TBCB: variants seen among roughly 807,000 people sequenced by gnomAD.
The protein encoded by TBCB is tubulin-folding cofactor B.
A neutral mutation model predicts 29.2 loss-of-function variants in TBCB; 18 were observed. The ratio of observed to expected loss-of-function variants is 0.62; its 90% CI spans 0.43 to 0.91. TBCB has a LOEUF of 0.91. TBCB is among the 40% of genes least tolerant of loss of function. The pLI is 0.00. For missense variants in TBCB, 336 were observed against 337.6 expected (o/e 1.00, Z 0.04); for synonymous variants, 172 against 137.8 (o/e 1.25, Z -1.74).
chr19:36,115,010 G>A, upstream of TBCB: 1 of 709,596 alleles, frequency 1.4e-6, no homozygotes, highest in Non-Finnish European at 2.4e-6. Context: ...GGCTCTCTCC[G>A]CGCAGAGGTT....
At chr19:36,115,819 G>A in intron 1 of TBCB, 145 bp downstream of exon 1, 1 of 1,091,888 alleles carries the variant, frequency 9.2e-7, no homozygotes, top group Non-Finnish European at 1.3e-6. Flanking sequence ...CGGTCGCGGC[G>A]GGGCGGGTCC....
chr19:36,119,743 A>T (rs1484259989), intron 2 of TBCB, among the ~76,000 whole-genome samples: 2 of 151,946 alleles, frequency 1.3e-5, no homozygotes, highest in Admixed American at 1.3e-4. Flanking sequence ...AAATACAAAA[A>T]TTAGCCGGGT....
intron 3 of TBCB, 38 bp from the exon 4 acceptor site, chr19:36,121,489 C>T (rs774997425): frequency 1.3e-6 from 2 of 1,529,680 alleles, no homozygotes; most frequent in Non-Finnish European, 8.8e-7. Context: ...TTAGGCCCGG[C>T]CGACACCCCA....
rs551389690 is a variant in TBCB at position 36,121,226 on chromosome 19, CGGA to C, written c.356-295_356-293del. Among the ~76,000 whole-genome samples, 197 of 151,494 alleles carry C rather than the reference CGGA, an allele frequency of 1.3e-3. 1 individual carries two copies. Among genetic ancestry groups the C allele is most frequent in the African/African-American group, 4.7e-3 (193 of 41,226 alleles). Reference sequence around the variant, plus strand: ...TGGGGGAGACCGGGGGCCTCAGGGCCGGAGGAGGGCGGAGGAGGAAGGCGGATG... The same window carrying C: ...TGGGGGAGACCGGGGGCCTCAGGGCCGGAGGGCGGAGGAGGAAGGCGGATG... On this transcript the variant is annotated intron_variant, in intron 3 of 5. Coordinates refer to ENST00000221855, the MANE Select transcript of TBCB (RefSeq NM_001281.3).
At chr19:36,120,921 G>A (rs1436792086) in intron 3 of TBCB, 115 bp downstream of exon 3, 3 of 966,910 alleles carry the variant, frequency 3.1e-6, no homozygotes, top group South Asian at 3.0e-5. Flanking sequence ...TAGACGGGGG[G>A]CCGAGAGCTT....
intron 4 of TBCB, among the ~76,000 whole-genome samples, chr19:36,122,372 G>A (rs1488770646): frequency 6.6e-6 from 1 of 151,970 alleles, no homozygotes; most frequent in Non-Finnish European, 1.5e-5. Context: ...TTGAGCCCCG[G>A]AGTTGGAGGT....
intron 4 of TBCB, 157 bp downstream of exon 4, chr19:36,121,875 C>A: frequency 2.1e-6 from 2 of 936,912 alleles, no homozygotes; most frequent in Non-Finnish European, 3.2e-6. Context: ...ACGGAACCAT[C>A]TGCCGACACT....
At chr19:36,117,045 G>T (rs868266894) in intron 2 of TBCB, among the ~76,000 whole-genome samples, 1 of 152,174 alleles carries the variant, frequency 6.6e-6, no homozygotes, top group Non-Finnish European at 1.5e-5. Flanking sequence ...ATATGCCTGC[G>T]TGCCTCACCC....
rs1290891973 is a variant in TBCB, at chr19:36,116,166, T to A, written c.240T>A (p.Asp80Glu). 6.2e-7 allele frequency: 1 copy of A among 1,614,110 alleles called. No individual in the cohort carries two copies. Among genetic ancestry groups the A allele is most frequent in the African/African-American group, 1.3e-5 (1 of 75,032 alleles). The change falls in exon 2 of 6, where the codon GAT becomes GAA. Residue 80 changes from aspartate (D) to glutamate (E), a missense_variant. Transcript: ENST00000221855. Reference protein sequence around the residue: ...EDALLGSYPVDDGCRIHVIDH... With the variant: ...EDALLGSYPVEDGCRIHVIDH... Reference sequence around the variant, plus strand: ...CGCTCCTGGGCTCCTACCCTGTAGATGACGGCTGCCGCATCCACGTGAGGA... The same window carrying A: ...CGCTCCTGGGCTCCTACCCTGTAGAAGACGGCTGCCGCATCCACGTGAGGA...
chr19:36,119,909 A>C (rs1974015256), intron 2 of TBCB, among the ~76,000 whole-genome samples: 1 of 149,920 alleles, frequency 6.7e-6, no homozygotes, highest in Admixed American at 6.6e-5. Flanking sequence ...AAAAAAAAAA[A>C]CCCAAAGTCT....
intron 4 of TBCB, 25 bp downstream of exon 4, chr19:36,121,743 C>CGGGCTCCA: frequency 6.5e-7 from 1 of 1,548,096 alleles, no homozygotes; most frequent in Non-Finnish European, 8.7e-7. Context: ...GGCCCGGTCC[C>CGGGCTCCA]GGGCTCCAGG....
chr19:36,117,850 C>T (rs941791121), intron 2 of TBCB: 4 of 152,072 alleles, frequency 2.6e-5, no homozygotes, highest in Admixed American at 1.3e-4. Flanking sequence ...ACTGCAACCT[C>T]CGCCTCCCCG....
chr19:36,122,099 G>A, intron 4 of TBCB: 2 of 306,568 alleles, frequency 6.5e-6, no homozygotes, highest in Non-Finnish European at 1.2e-5. Context: ...GAGGCTGGGA[G>A]CATCTGAAGG....
chr19:36,116,175 C>T lies in TBCB; in HGVS notation c.249C>T (p.Cys83=), dbSNP rs778057732. Residue 83 remains cysteine, a synonymous_variant, in exon 2 of 6, where the codon TGC becomes TGT. Transcript: ENST00000221855. The part of the protein sequence containing the change: ...LLGSYPVDDG[C]RIHVIDHSGA... ...GCTCCTACCCTGTAGATGACGGCTGCCGCATCCACGTGAGGACTCTCTATC... is the reference window on the plus strand; with the variant it reads ...GCTCCTACCCTGTAGATGACGGCTGTCGCATCCACGTGAGGACTCTCTATC... 6.2e-7 allele frequency: 1 copy of T among 1,614,004 alleles called. No homozygotes were observed. The highest frequency in any genetic ancestry group is 1.1e-5 in the South Asian group (1 of 91,074).
intron 2 of TBCB, among the ~76,000 whole-genome samples, chr19:36,117,054 C>T (rs1315887396): frequency 6.6e-6 from 1 of 152,166 alleles, no homozygotes; most frequent in African/African-American, 2.4e-5. Context: ...CGTGCCTCAC[C>T]CTTCCTTCCT....
intron 3 of TBCB, among the ~76,000 whole-genome samples, chr19:36,121,039 G>A (rs900089740): frequency 4.0e-5 from 6 of 150,734 alleles, no homozygotes; most frequent in African/African-American, 1.5e-4. Context: ...GTCGGGGGAG[G>A]GCTGGGAAAG....
At chr19:36,121,770 G>T in intron 4 of TBCB, 52 bp downstream of exon 4, 3 of 1,546,204 alleles carry the variant, frequency 1.9e-6, no homozygotes, top group Non-Finnish European at 1.7e-6. Flanking sequence ...AGGCCGGGAG[G>T]AAATGTTGGG....
chr19:36,124,515 G>A (rs1021886364), intron 4 of TBCB, among the ~76,000 whole-genome samples: 8 of 152,052 alleles, frequency 5.3e-5, no homozygotes, highest in African/African-American at 1.9e-4. Context: ...ATGAGCCACT[G>A]CGCCCATCGG....
At chr19:36,118,033 T>A (rs1208340662) in intron 2 of TBCB, 1 of 152,256 alleles carries the variant, frequency 6.6e-6, no homozygotes, top group African/African-American at 2.4e-5. Context: ...CCCAAAGTGC[T>A]GGGATTACAG....
Sources: allele counts gnomAD v4.1 joint callset (sites outside exome capture counted in the v4.1 genomes callset), GRCh38; gene constraint gnomAD v4.1.1; transcripts MANE v1.5; gene names NCBI Gene and HGNC (gene_info 2026-07-23, HGNC 2026-07-21).